RAF1: variants seen among roughly 807,000 people sequenced by gnomAD.
RAF1 encodes the protein Raf-1 proto-oncogene, serine/threonine kinase.
In RAF1, 27 loss-of-function variants were observed where a neutral mutation model predicts 81.1. That is an observed-to-expected ratio of 0.33 (90% CI 0.25 to 0.46). The LOEUF is 0.46. Ranked by LOEUF, RAF1 falls within the 20% of genes least tolerant of loss-of-function variation. The pLI is 1.00. For missense variants in RAF1, 598 were observed against 826.0 expected (o/e 0.72, Z 3.38); for synonymous variants, 298 against 294.0 (o/e 1.01, Z -0.14).
intron 1 of RAF1, among the ~76,000 whole-genome samples, chr3:12,627,351 A>G (rs1281373089): frequency 1.3e-5 from 2 of 152,216 alleles, no homozygotes; most frequent in African/African-American, 4.8e-5. Flanking sequence ...CACCCCTACC[A>G]ATCATCACAG....
intron 1 of RAF1, among the ~76,000 whole-genome samples, chr3:12,636,495 CA>C (rs376534652): frequency 0.15 from 20,757 of 136,702 alleles, 1,677 homozygotes; most frequent in African/African-American, 0.24. Flanking sequence ...CATGGTTGCT[CA>C]AAAAAAAAAA....
chr3:12,590,709 T>C, intron 13 of RAF1, 89 bp downstream of exon 12: 2 of 1,401,204 alleles, frequency 1.4e-6, no homozygotes, highest in Non-Finnish European at 1.0e-6. Flanking sequence ...AATCGCTTAA[T>C]GGACTAGAAG....
At chr3:12,639,703 C>G (rs1458321460) in intron 1 of RAF1, among the ~76,000 whole-genome samples, 1 of 152,148 alleles carries the variant, frequency 6.6e-6, no homozygotes, top group East Asian at 1.9e-4. Flanking sequence ...CTACAAACCA[C>G]TGCTCAACAA....
chr3:12,599,887 C>T, intron 10 of RAF1, 79 bp from the exon 10 acceptor site: 1 of 1,240,676 alleles, frequency 8.1e-7, no homozygotes, highest in Non-Finnish European at 1.2e-6. Context: ...AAGGATCAAC[C>T]CATGTCATCT....
At chr3:12,597,731 A>G (rs747599526) in intron 11 of RAF1, among the ~76,000 whole-genome samples, 4 of 152,064 alleles carry the variant, frequency 2.6e-5, no homozygotes, top group Admixed American at 1.3e-4. Context: ...TCTAGGAAAC[A>G]TGGCGAAACC....
intron 17 of RAF1, 70 bp from the exon 17 acceptor site, chr3:12,584,727 C>T (rs1366974298): frequency 3.7e-6 from 6 of 1,613,080 alleles, no homozygotes; most frequent in Admixed American, 3.3e-5. Context: ...TGCCCCCCAC[C>T]ATCTTGTAGA....
intron 1 of RAF1, among the ~76,000 whole-genome samples, chr3:12,638,847 C>T (rs953325941): frequency 1.6e-4 from 24 of 152,176 alleles, no homozygotes; most frequent in African/African-American, 5.5e-4. Flanking sequence ...ACCAACCTGG[C>T]CAACACGGCC....
Position 12,640,579 on chromosome 3 carries a change from C to G in RAF1, c.-26-21832G>C, listed in dbSNP as rs188044875. ...GCAAAGGATATGAACAGACACTTCT[C>G]AAAAGACATTCATGCAGACAACAGA... On this transcript the variant is annotated intron_variant, in intron 1 of 17. Coordinates refer to ENST00000442415, the MANE Select transcript of RAF1 (RefSeq NM_001354689.3). Among the ~76,000 whole-genome samples the G allele has an allele frequency of 1.2e-4, 19 of 152,230 alleles. No individual in the cohort carries two copies. In the East Asian group the frequency reaches 3.7e-3, roughly 29 times the overall value.
At chr3:12,637,056 T>C (rs969400400) in intron 1 of RAF1, among the ~76,000 whole-genome samples, 5 of 152,106 alleles carry the variant, frequency 3.3e-5, no homozygotes, top group Admixed American at 3.3e-4. Context: ...GTATATAAAG[T>C]ACCTAATTTA....
intron 13 of RAF1, 200 bp from the exon 13 acceptor site, chr3:12,587,837 CTTTTTTT>C (rs374515740): frequency 3.1e-5 from 6 of 193,314 alleles, no homozygotes; most frequent in African/African-American, 6.5e-5. Flanking sequence ...ATGCTTACAC[CTTTTTTT>C]TTTTTTTTTT....
chr3:12,614,147 G>A (rs746691280), intron 2 of RAF1, among the ~76,000 whole-genome samples: 2 of 152,148 alleles, frequency 1.3e-5, no homozygotes, highest in Non-Finnish European at 2.9e-5. Flanking sequence ...AACCTCTGAG[G>A]AAAAGAAATG....
At chr3:12,613,990 A>G (rs547327543) in intron 2 of RAF1, among the ~76,000 whole-genome samples, 2 of 152,352 alleles carry the variant, frequency 1.3e-5, no homozygotes, top group East Asian at 3.9e-4. Context: ...TCCAAACGAA[A>G]AAAGTTCCTT....
intron 3 of RAF1, among the ~76,000 whole-genome samples, chr3:12,611,022 T>C (rs966065716): frequency 1.3e-5 from 2 of 151,804 alleles, no homozygotes; most frequent in Non-Finnish European, 2.9e-5. Flanking sequence ...AAAAAATTAG[T>C]GAATGAGAAA....
chr3:12,661,389 A>G (rs1435178441), intron 1 of RAF1, among the ~76,000 whole-genome samples: 1 of 152,118 alleles, frequency 6.6e-6, no homozygotes, highest in Non-Finnish European at 1.5e-5. Context: ...TTTCTGTAAG[A>G]CTGGGGAGTA....
intron 2 of RAF1, among the ~76,000 whole-genome samples, chr3:12,616,292 G>A (rs1032609821): frequency 1.3e-5 from 2 of 152,174 alleles, no homozygotes; most frequent in Non-Finnish European, 2.9e-5. Context: ...GGGCAAACTG[G>A]TAGCAGATGG....
chr3:12,662,174 T>A (rs1314799326), intron 1 of RAF1, among the ~76,000 whole-genome samples: 1 of 47,850 alleles, frequency 2.1e-5, no homozygotes, highest in Non-Finnish European at 4.5e-5. Flanking sequence ...ATCTCTACTA[T>A]TTTTTTTTTA....
chr3:12,618,816 G>A, intron 1 of RAF1, 69 bp from the exon 2 acceptor site: 1 of 1,214,172 alleles, frequency 8.2e-7, no homozygotes, highest in Non-Finnish European at 1.2e-6. Context: ...AATACATAAA[G>A]AGTAATTATG....
intron 2 of RAF1, 129 bp from the exon 3 acceptor site, chr3:12,612,191 C>A: frequency 1.4e-6 from 1 of 729,668 alleles, no homozygotes; most frequent in Non-Finnish European, 2.5e-6. Context: ...TACGAAACAA[C>A]CTGAATGTCC....
intron 16 of RAF1, 39 bp downstream of exon 15, chr3:12,585,083 T>C (rs578038664): frequency 3.7e-5 from 60 of 1,613,442 alleles, no homozygotes; most frequent in Middle Eastern, 1.7e-4. Context: ...GCCCAGGGGC[T>C]CCCACGAGTT....
Sources: allele counts gnomAD v4.1 joint callset (sites outside exome capture counted in the v4.1 genomes callset), GRCh38; gene constraint gnomAD v4.1.1; transcripts MANE v1.5; gene names NCBI Gene and HGNC (gene_info 2026-07-23, HGNC 2026-07-21).